The following ZNF831 variants were observed in gnomAD, a reference collection of about 807,000 sequenced individuals.
ZNF831 encodes chromosome 20 open reading frame 174.
Under a neutral mutation model 95.8 loss-of-function variants are expected in ZNF831, and 59 were observed. That is an observed-to-expected ratio of 0.62 (90% CI 0.50 to 0.77). ZNF831 has a LOEUF of 0.77. Among genes scored for constraint, ZNF831 ranks in the 30% least tolerant of loss-of-function variants. ZNF831 has a pLI of 0.00. For missense variants in ZNF831, 2,205 were observed against 2,164.0 expected, an observed-to-expected ratio of 1.02 and a Z score of -0.38; for synonymous variants, 961 against 925.5, an observed-to-expected ratio of 1.04 and a Z score of -0.70.
intron 3 of ZNF831, among the ~76,000 whole-genome samples, chr20:59,200,510 A>G (rs955315386): frequency 3.9e-5 from 6 of 152,166 alleles, no homozygotes; most frequent in Non-Finnish European, 5.9e-5. Flanking sequence ...CATATTTAAA[A>G]CATACAATTA....
chr20:59,253,869 C>CCCTTTTTTTTATTTTTT, intron 5 of ZNF831, 29 bp from the exon 6 acceptor site: 1 of 1,067,576 alleles, frequency 9.4e-7, no homozygotes, highest in Non-Finnish European at 1.2e-6. Context: ...TCCCCCCCCA[C>CCCTTTTTTTTATTTTTT]TTTTTTTTTC....
At chr20:59,222,514 A>G (rs891957144) in intron 4 of ZNF831, among the ~76,000 whole-genome samples, 1 of 151,832 alleles carries the variant, frequency 6.6e-6, no homozygotes, top group Non-Finnish European at 1.5e-5. Context: ...TTGTGTGACA[A>G]CAACCTCACA....
rs71183162 is a variant in ZNF831 at position 59,199,071 on chromosome 20, A to ATATC, written c.3875+3127_3875+3130dup. On this transcript the variant is annotated intron_variant, in intron 3 of 5. Transcript: ENST00000371030. ...CCCACCCACCCACCCATCAACTTAC[A>ATATC]TATCTATCTATCTATCTATCTATCT... 2.9e-3 allele frequency among the ~76,000 whole-genome samples: 275 copies of ATATC among 95,406 alleles called. 2 individuals are homozygous for ATATC. The highest frequency in any genetic ancestry group is 3.1e-3 in the Non-Finnish European group (151 of 48,648). The allele number at this position is 95,406 out of a possible 152,430, so 62.6% of individuals were successfully genotyped here.
chr20:59,130,380 G>T (rs913061948), intron 1 of ZNF831, among the ~76,000 whole-genome samples: 1 of 152,096 alleles, frequency 6.6e-6, no homozygotes, highest in African/African-American at 2.4e-5. Flanking sequence ...AGTGTGAAAG[G>T]GCCCCTAAGT....
chr20:59,127,542 A>T (rs1979212647), intron 1 of ZNF831, among the ~76,000 whole-genome samples: 1 of 152,088 alleles, frequency 6.6e-6, no homozygotes, highest in African/African-American at 2.4e-5. Context: ...TTCAGCCCAG[A>T]TGGTTGACAC....
At chr20:59,215,877 A>G (rs1985644331) in intron 4 of ZNF831, among the ~76,000 whole-genome samples, 1 of 152,180 alleles carries the variant, frequency 6.6e-6, no homozygotes, top group Non-Finnish European at 1.5e-5. Flanking sequence ...AAACCCTACA[A>G]TGTTTTTGGT....
intron 4 of ZNF831, among the ~76,000 whole-genome samples, chr20:59,242,905 G>A (rs542289592): frequency 1.9e-4 from 29 of 152,262 alleles, no homozygotes; most frequent in Admixed American, 1.6e-3. Context: ...CAGATGAAGC[G>A]CCCTGGTGGT....
chr20:59,254,714 G>A lies in ZNF831; in HGVS notation c.5005G>A (p.Asp1669Asn), dbSNP rs1295667188. 1.1e-5 allele frequency: 18 copies of A among 1,611,956 alleles called. No homozygotes were observed. Among genetic ancestry groups the A allele is most frequent in the Non-Finnish European group, 1.4e-5 (17 of 1,179,492 alleles). The change falls in exon 6 of 6, where the codon GAT (aspartate) becomes AAT (asparagine). Residue 1669 changes from aspartate (D) to asparagine (N), a missense_variant. Physicochemically the swap from Asp to Asn is conservative, Grantham distance 23. Transcript: ENST00000371030. The surrounding 1 kb of genome is among the most constrained non-coding windows in gnomAD (Gnocchi z 4.5). Reference sequence around the variant, plus strand: ...AGAGTTCAGTGACACCAGCAGCGACGATGAAGACCGATTAGTTATAGAAAT... The same window carrying A: ...AGAGTTCAGTGACACCAGCAGCGACAATGAAGACCGATTAGTTATAGAAAT... ...RVEFSDTSSD[D>N]EDRLVIEI
chr20:59,209,987 C>T (rs1291744213), intron 4 of ZNF831, among the ~76,000 whole-genome samples: 1 of 152,168 alleles, frequency 6.6e-6, no homozygotes, highest in Non-Finnish European at 1.5e-5. Context: ...CTTTTTCTAA[C>T]TCAGGTCATA....
chr20:59,166,179 T>C (rs573142156), intron 1 of ZNF831, among the ~76,000 whole-genome samples: 2 of 152,262 alleles, frequency 1.3e-5, no homozygotes, highest in Admixed American at 6.5e-5. Flanking sequence ...TGAGTTGATA[T>C]AAAGAAAATG....
intron 1 of ZNF831, among the ~76,000 whole-genome samples, chr20:59,140,510 C>T (rs1979645447): frequency 6.6e-6 from 1 of 152,174 alleles, no homozygotes; most frequent in Non-Finnish European, 1.5e-5. Flanking sequence ...TTCTTCATTT[C>T]TGAAGTCTTT....
intron 4 of ZNF831, among the ~76,000 whole-genome samples, chr20:59,207,368 G>A (rs912372230): frequency 6.6e-6 from 1 of 152,236 alleles, no homozygotes; most frequent in Non-Finnish European, 1.5e-5. Flanking sequence ...ATGAATCACA[G>A]CTCTTGGTGC....
rs1046379449 is a variant in ZNF831, at chr20:59,193,095, T to A, written c.2076T>A (p.Pro692=). ...TATCCGCAGGGGCAACGCCAGAGCCTTGGGGAAATCCACCAGCCCTGGAGG... is the reference window on the plus strand; with the variant it reads ...TATCCGCAGGGGCAACGCCAGAGCCATGGGGAAATCCACCAGCCCTGGAGG... ...EDISAGATPE[P]WGNPPALEAS... is the part of the protein sequence containing the mutation. Residue 692 remains proline, a synonymous_variant, in exon 2 of 6, where the codon CCT becomes CCA. Transcript: ENST00000371030. The A allele has an allele frequency of 6.3e-7, 1 of 1,599,486 alleles. No homozygotes were observed. The highest frequency in any genetic ancestry group is 2.3e-5 in the East Asian group (1 of 44,312).
At chr20:59,156,509 G>A (rs1178671257) in intron 2 of ZNF831, among the ~76,000 whole-genome samples, 1 of 152,178 alleles carries the variant, frequency 6.6e-6, no homozygotes, top group Non-Finnish European at 1.5e-5. Context: ...CTGGGCGACA[G>A]GGTGAGACTC....
chr20:59,152,390 A>G (rs1351664502), intron 2 of ZNF831, among the ~76,000 whole-genome samples: 3 of 151,892 alleles, frequency 2.0e-5, no homozygotes, highest in Non-Finnish European at 2.9e-5. Context: ...GGACAGGTGG[A>G]TTTTGGGTTT....
intron 4 of ZNF831, among the ~76,000 whole-genome samples, chr20:59,249,703 G>A (rs1308022836): frequency 6.6e-6 from 1 of 152,060 alleles, no homozygotes; most frequent in East Asian, 1.9e-4. Context: ...CTTCTCTACG[G>A]ATTTTCAAAG....
intron 1 of ZNF831, among the ~76,000 whole-genome samples, chr20:59,129,756 G>A (rs949985166): frequency 2.0e-5 from 3 of 152,130 alleles, no homozygotes; most frequent in Non-Finnish European, 2.9e-5. Context: ...CTGTAATTTC[G>A]TCATTTGGAG....
intron 1 of ZNF831, among the ~76,000 whole-genome samples, chr20:59,142,467 C>A (rs1335494921): frequency 6.6e-6 from 1 of 152,214 alleles, no homozygotes; most frequent in African/African-American, 2.4e-5. Flanking sequence ...CCCCTACCCC[C>A]ACATTTAAGG....
chr20:59,131,738 T>C lies in ZNF831; in HGVS notation c.-1425+8233T>C, dbSNP rs563859049. Among the ~76,000 whole-genome samples the C allele has an allele frequency of 2.6e-5, 4 of 152,014 alleles. No homozygotes were observed. In the South Asian group the frequency reaches 8.3e-4, roughly 32 times the overall value. ...GGTGATGGGTACAGCCCCAGGGAGGTGTGAAGCAGCACCTGCAGGCATGGC... is the reference window on the plus strand; with the variant it reads ...GGTGATGGGTACAGCCCCAGGGAGGCGTGAAGCAGCACCTGCAGGCATGGC... On this transcript the variant is annotated intron_variant, in intron 1 of 7. Coordinates refer to the ZNF831 transcript ENST00000637017.
Sources: gnomAD v4.1 joint callset for allele counts (sites outside exome capture counted in the v4.1 genomes callset) on GRCh38, gnomAD v4.1.1 for gene constraint, Gnocchi (gnomAD v3.1) non-coding constraint, MANE v1.5 for transcripts, NCBI Gene and HGNC (gene_info 2026-07-23, HGNC 2026-07-21) for gene names.